SKAP2: variants seen among roughly 807,000 people sequenced by gnomAD.
SKAP2 encodes the protein src kinase-associated phosphoprotein 2.
SKAP2 carries 28 observed loss-of-function variants against 54.9 expected under a neutral mutation model. The observed-to-expected ratio is 0.51, with a 90% confidence interval of 0.38 to 0.70. The LOEUF is 0.70. SKAP2 is among the 30% of genes least tolerant of loss of function. SKAP2 has a pLI of 0.00. For missense variants in SKAP2, 356 were observed against 424.1 expected (o/e 0.84, Z 1.41); for synonymous variants, 137 against 134.3 (o/e 1.02, Z -0.14).
chr7:26,864,566 G>A lies in SKAP2; in HGVS notation c.-137C>T. 2 of 1,425,982 alleles carry A rather than the reference G, an allele frequency of 1.4e-6. No homozygotes were observed. Among genetic ancestry groups the A allele is most frequent in the Non-Finnish European group, 9.2e-7 (1 of 1,090,338 alleles). 88.3% of individuals were successfully genotyped at this position (1,425,982 alleles called of 1,614,324 possible). On this transcript the variant is annotated 5_prime_UTR_variant, in exon 1 of 13. Transcript: ENST00000345317. Reference sequence around the variant, plus strand: ...GGGGCTACGAGTCGGGACACTGCCGGGCCGGGGCTCACAACAAGGAAGTCA... The same window carrying A: ...GGGGCTACGAGTCGGGACACTGCCGAGCCGGGGCTCACAACAAGGAAGTCA...
chr7:26,712,941 A>C (rs1189938381), intron 9 of SKAP2, among the ~76,000 whole-genome samples: 1 of 152,208 alleles, frequency 6.6e-6, no homozygotes, highest in South Asian at 2.1e-4. Context: ...TTGTGTGGGC[A>C]ATCTTATATA....
chr7:26,847,089 A>AT (rs61176222), intron 3 of SKAP2, among the ~76,000 whole-genome samples: 88 of 149,264 alleles, frequency 5.9e-4, no homozygotes, highest in African/African-American at 1.5e-3. Flanking sequence ...CACTGCAAGT[A>AT]TTTTTTTTTT....
At chr7:26,691,027 A>G (rs1786769517) in intron 9 of SKAP2, among the ~76,000 whole-genome samples, 1 of 152,206 alleles carries the variant, frequency 6.6e-6, no homozygotes, top group Admixed American at 6.5e-5. Flanking sequence ...GCTGGATGTT[A>G]AAATCTCATA....
At chr7:26,748,035 T>C (rs1374338200) in intron 4 of SKAP2, among the ~76,000 whole-genome samples, 1 of 152,170 alleles carries the variant, frequency 6.6e-6, no homozygotes, top group Non-Finnish European at 1.5e-5. Flanking sequence ...AGTCCAATTA[T>C]CCTTCTCCAC....
chr7:26,768,566 ATT>A (rs979146830), intron 4 of SKAP2, among the ~76,000 whole-genome samples: 1 of 151,972 alleles, frequency 6.6e-6, no homozygotes, highest in Non-Finnish European at 1.5e-5. Context: ...GGTCTTTACA[ATT>A]TGCTATGTTT....
chr7:26,850,646 C>T (rs1178377719), intron 3 of SKAP2, among the ~76,000 whole-genome samples: 2 of 151,374 alleles, frequency 1.3e-5, no homozygotes, highest in Non-Finnish European at 1.5e-5. Context: ...TATTCTGTCA[C>T]GTACAATACT....
intron 9 of SKAP2, among the ~76,000 whole-genome samples, chr7:26,715,702 C>T (rs1196957009): frequency 6.6e-6 from 1 of 152,070 alleles, no homozygotes; most frequent in African/African-American, 2.4e-5. Context: ...TCACTTGAAC[C>T]CAGGAGGTGG....
chr7:26,730,275 T>G (rs551173645), intron 6 of SKAP2, among the ~76,000 whole-genome samples: 1 of 152,326 alleles, frequency 6.6e-6, no homozygotes, highest in East Asian at 1.9e-4. Context: ...GTTTCAAGGA[T>G]ACCTGTTAAC....
At chr7:26,721,835 G>A (rs932260446) in intron 9 of SKAP2, among the ~76,000 whole-genome samples, 2 of 152,114 alleles carry the variant, frequency 1.3e-5, no homozygotes, top group African/African-American at 4.8e-5. Context: ...AGCAAACAGG[G>A]TTGGTTTCTG....
intron 3 of SKAP2, among the ~76,000 whole-genome samples, chr7:26,847,216 A>G (rs980993616): frequency 2.6e-5 from 4 of 152,110 alleles, no homozygotes; most frequent in Non-Finnish European, 4.4e-5. Context: ...CAGAGAGCAA[A>G]GAATCTATAT....
chr7:26,787,321 G>T (rs951824009), intron 4 of SKAP2, among the ~76,000 whole-genome samples: 13 of 147,658 alleles, frequency 8.8e-5, no homozygotes, highest in Non-Finnish European at 1.5e-4. Context: ...CCTCAAGATG[G>T]TTTTTTTTTT....
At chr7:26,739,781 CTCTT>C (rs1303744724) in intron 5 of SKAP2, 102 bp downstream of exon 5, 2 of 737,030 alleles carry the variant, frequency 2.7e-6, no homozygotes, top group Non-Finnish European at 4.4e-6. Flanking sequence ...AATCTTTAAA[CTCTT>C]TAATCACCTA....
chr7:26,732,237 G>A (rs1787837531), intron 6 of SKAP2, among the ~76,000 whole-genome samples: 1 of 152,148 alleles, frequency 6.6e-6, no homozygotes, highest in South Asian at 2.1e-4. Flanking sequence ...AATCCATTCT[G>A]GTGGCAATGG....
rs552077514 is a variant in SKAP2 at position 26,835,856 on chromosome 7, G to A, written c.307+8174C>T. Among the ~76,000 whole-genome samples, 25 of 152,086 alleles carry A rather than the reference G, an allele frequency of 1.6e-4. 1 individual carries two copies. The highest frequency in any genetic ancestry group is 1.5e-3 in the East Asian group (8 of 5,172). ...GAAAAAACTACTTTAAATTTCATAC[G>A]GAACCAAAAAAGAGCCCGTATAGCC... On this transcript the variant is annotated intron_variant, in intron 4 of 12. Coordinates refer to ENST00000345317, the MANE Select transcript of SKAP2 (RefSeq NM_003930.5).
At chr7:26,707,456 G>C (rs1433495707) in intron 9 of SKAP2, among the ~76,000 whole-genome samples, 3 of 152,102 alleles carry the variant, frequency 2.0e-5, no homozygotes, top group African/African-American at 7.2e-5. Context: ...CTTGCCTATA[G>C]CACATACACA....
intron 4 of SKAP2, among the ~76,000 whole-genome samples, chr7:26,785,607 C>A (rs1783528783): frequency 6.6e-6 from 1 of 152,168 alleles, no homozygotes; most frequent in Non-Finnish European, 1.5e-5. Flanking sequence ...TTATATCAAG[C>A]TAATGAATCT....
intron 4 of SKAP2, among the ~76,000 whole-genome samples, chr7:26,760,006 ATACTT>A (rs550093327): frequency 7.2e-4 from 109 of 152,334 alleles, no homozygotes; most frequent in Admixed American, 1.6e-3. Context: ...GTGATGAACA[ATACTT>A]TAAGTAAAGT....
chr7:26,759,048 G>T (rs1279108723), intron 4 of SKAP2, among the ~76,000 whole-genome samples: 2 of 152,138 alleles, frequency 1.3e-5, no homozygotes, highest in Non-Finnish European at 2.9e-5. Flanking sequence ...TTTGCTCTAT[G>T]TCAACTTAAA....
intron 9 of SKAP2, among the ~76,000 whole-genome samples, chr7:26,703,772 A>G (rs1584340845): frequency 6.6e-6 from 1 of 152,354 alleles, no homozygotes; most frequent in East Asian, 1.9e-4. Context: ...GGTACTATAT[A>G]CATAAATCTC....
Sources: gnomAD v4.1 joint callset for allele counts (sites outside exome capture counted in the v4.1 genomes callset) on GRCh38, gnomAD v4.1.1 for gene constraint, MANE v1.5 for transcripts, NCBI Gene and HGNC (gene_info 2026-07-23, HGNC 2026-07-21) for gene names.